The following TPCN2 variants were observed in gnomAD, a reference collection of about 807,000 sequenced individuals.
The protein encoded by TPCN2 is two pore segment channel 2, also known as two pore channel protein 2.
In TPCN2, 92 loss-of-function variants were observed where a neutral mutation model predicts 111.4. That is an observed-to-expected ratio of 0.83 (90% CI 0.70 to 0.98). The LOEUF (loss-of-function observed/expected upper bound fraction) is 0.98, where lower values mean the gene tolerates loss of function less well. Ranked by LOEUF, TPCN2 falls within the 50% of genes least tolerant of loss-of-function variation. The probability of loss-of-function intolerance (pLI) is 0.00; values close to 1 mark genes in which losing one functional copy is unlikely to be tolerated. For synonymous variants in TPCN2, 405 were observed against 414.5 expected (o/e 0.98, Z 0.28); for missense variants, 995 against 980.1 (o/e 1.02, Z -0.20).
At chr11:69,079,098 C>G in intron 16 of TPCN2, 78 bp downstream of exon 16, 3 of 1,510,242 alleles carry the variant, frequency 2.0e-6, no homozygotes, top group Non-Finnish European at 2.7e-6. Context: ...TGGCCCATCT[C>G]AGGCCTCCCC....
intron 10 of TPCN2, 146 bp downstream of exon 10, chr11:69,071,566 C>T (rs1004226700): frequency 2.2e-5 from 16 of 711,422 alleles, no homozygotes; most frequent in African/African-American, 1.4e-4. Flanking sequence ...GTGGATCAGC[C>T]GGGGATGCAC....
intron 8 of TPCN2, 34 bp from the exon 9 acceptor site, chr11:69,070,396 G>A (rs749514630): frequency 5.2e-6 from 8 of 1,549,524 alleles, no homozygotes; most frequent in Admixed American, 1.7e-5. Context: ...AGGTACTGAG[G>A]TTGTCAGTTT....
chr11:69,059,409 G>A (rs1292442154), intron 5 of TPCN2, among the ~76,000 whole-genome samples: 1 of 152,176 alleles, frequency 6.6e-6, no homozygotes, highest in Non-Finnish European at 1.5e-5. Flanking sequence ...AATGGGGGAG[G>A]TGGGAAGTGG....
intron 16 of TPCN2, chr11:69,079,525 C>G (rs1281243668): frequency 6.0e-6 from 2 of 334,984 alleles, no homozygotes; most frequent in Middle Eastern, 7.8e-4. Flanking sequence ...GCCAGCAGGC[C>G]CCTCGGCACA....
rs1251063962 is a variant in TPCN2 at position 69,088,020 on chromosome 11, G to A, written c.*67G>A. ...GCTGGCCTACACAGGTGCCCGTCAT[G>A]GAAGAGGCGGCCATGCTGTGGCCAG... On this transcript the variant is annotated 3_prime_UTR_variant, in exon 25 of 25. Coordinates refer to ENST00000294309, the MANE Select transcript of TPCN2 (RefSeq NM_139075.4). 2.1e-5 allele frequency: 29 copies of A among 1,403,700 alleles called. No homozygotes were observed. The highest frequency in any genetic ancestry group is 4.3e-5 in the African/African-American group (3 of 70,128). The allele number at this position is 1,403,700 out of a possible 1,614,324, so 87.0% of individuals were successfully genotyped here.
intron 6 of TPCN2, 146 bp from the exon 7 acceptor site, chr11:69,063,749 C>T (rs574187166): frequency 1.8e-5 from 13 of 708,404 alleles, no homozygotes; most frequent in South Asian, 1.4e-4. Context: ...GCAAGGCCCT[C>T]GGGGAGAGGG....
rs1399150963 is a variant in TPCN2, at chr11:69,054,858, G to T, written c.251+61G>T. Reference sequence around the variant, plus strand: ...CCGGCTTGCGTGGCAGGGGAGGCTGGCCCCCACCTGGGGATCACCTGGTCT... The same window carrying T: ...CCGGCTTGCGTGGCAGGGGAGGCTGTCCCCCACCTGGGGATCACCTGGTCT... On this transcript the variant is annotated intron_variant, in intron 3 of 24. Coordinates refer to ENST00000294309, the MANE Select transcript of TPCN2 (RefSeq NM_139075.4). 7.1e-6 allele frequency: 11 copies of T among 1,545,574 alleles called. No individual in the cohort carries two copies. The Admixed American group carries it at 1.8e-4, about 25-fold the overall frequency.
intron 7 of TPCN2, among the ~76,000 whole-genome samples, chr11:69,064,441 C>T (rs7938398): frequency 0.94 from 143,042 of 152,146 alleles, 67,638 homozygotes; most frequent in Non-Finnish European, 1. Flanking sequence ...CGCTGGCCTA[C>T]TGGGAGGGCC....
At chr11:69,084,115 T>C in intron 19 of TPCN2, 99 bp downstream of exon 19, 2 of 1,278,810 alleles carry the variant, frequency 1.6e-6, no homozygotes. Flanking sequence ...GCTCTGTCGG[T>C]AGGAAGGTTC....
chr11:69,064,547 G>A (rs975769067), intron 7 of TPCN2, among the ~76,000 whole-genome samples: 3 of 152,138 alleles, frequency 2.0e-5, no homozygotes, highest in South Asian at 4.1e-4. Flanking sequence ...GTGTGGAGGC[G>A]TCTTCCTGTC....
At chr11:69,064,688 C>T (rs1855184817) in intron 7 of TPCN2, among the ~76,000 whole-genome samples, 1 of 152,216 alleles carries the variant, frequency 6.6e-6, no homozygotes, top group African/African-American at 2.4e-5. Context: ...GCCTGCGCTG[C>T]TGTTCCTGTT....
At chr11:69,080,237 A>G (rs1034262174) in intron 17 of TPCN2, among the ~76,000 whole-genome samples, 13 of 152,240 alleles carry the variant, frequency 8.5e-5, no homozygotes, top group African/African-American at 3.1e-4. Context: ...ACCTGTGACC[A>G]CTGGGATTCG....
At chr11:69,057,719 CAGAT>C in intron 5 of TPCN2, 25 bp downstream of exon 5, 2 of 1,605,252 alleles carry the variant, frequency 1.2e-6, no homozygotes, top group South Asian at 1.1e-5. Flanking sequence ...AGCCCTGAGA[CAGAT>C]GGAGAGATCT....
In TPCN2 at chr11:69,055,275, T is replaced by C. The variant is rs778686638; in HGVS notation, c.352T>C (p.Trp118Arg). The change falls in exon 4 of 25, where the codon TGG becomes CGG. Residue 118 changes from tryptophan to arginine, a missense_variant. Physicochemically the swap from Trp to Arg is moderately radical, Grantham distance 101. Coordinates refer to ENST00000294309, the MANE Select transcript of TPCN2 (RefSeq NM_139075.4). ...GGACGTGCGCTACCGCGCTGCTCCC[T>C]GGGAGCCGCCCTGCGGCCTGACCGA... Reference protein sequence around the residue: ...TADVRYRAAPWEPPCGLTESV... With the variant: ...TADVRYRAAPREPPCGLTESV... 23 of 1,613,194 alleles carry C rather than the reference T, an allele frequency of 1.4e-5. No homozygotes were observed. The highest frequency in any genetic ancestry group is 1.8e-5 in the Non-Finnish European group (21 of 1,179,446).
intron 1 of TPCN2, among the ~76,000 whole-genome samples, chr11:69,052,416 T>C (rs962347060): frequency 6.6e-6 from 1 of 152,140 alleles, no homozygotes; most frequent in Non-Finnish European, 1.5e-5. Context: ...AACAAAACAG[T>C]GTGGCTTCTG....
intron 1 of TPCN2, among the ~76,000 whole-genome samples, chr11:69,052,195 C>T (rs557377172): frequency 2.0e-5 from 3 of 152,172 alleles, no homozygotes; most frequent in South Asian, 2.1e-4. Flanking sequence ...GAGTGAGGCC[C>T]GGAACTCGGC....
chr11:69,086,487 A>C, intron 22 of TPCN2, 36 bp from the exon 23 acceptor site: 1 of 1,586,516 alleles, frequency 6.3e-7, no homozygotes. Flanking sequence ...TGCTTTGCTC[A>C]TCGTGGTTCA....
At chr11:69,049,272 G>T (rs923193651) in intron 1 of TPCN2, among the ~76,000 whole-genome samples, 166 bp downstream of exon 1, 1 of 152,206 alleles carries the variant, frequency 6.6e-6, no homozygotes, top group Admixed American at 6.5e-5. Flanking sequence ...TGTTCTGAGG[G>T]CGAGTGGGCT....
chr11:69,081,303 C>T, intron 17 of TPCN2, 97 bp from the exon 18 acceptor site: 1 of 756,086 alleles, frequency 1.3e-6, no homozygotes, highest in Non-Finnish European at 2.2e-6. Context: ...CCCTGTTGCC[C>T]TCCCTGCGCC....
Sources: gnomAD v4.1 joint callset for allele counts (sites outside exome capture counted in the v4.1 genomes callset) on GRCh38, gnomAD v4.1.1 for gene constraint, MANE v1.5 for transcripts, NCBI Gene and HGNC (gene_info 2026-07-23, HGNC 2026-07-21) for gene names.